The following TRIM9 variants were observed in gnomAD, a reference collection of about 807,000 sequenced individuals.
TRIM9 encodes the protein tripartite motif containing 9, also known as E3 ubiquitin-protein ligase TRIM9.
In TRIM9, 26 loss-of-function variants were observed where a neutral mutation model predicts 78.3. The observed-to-expected ratio is 0.33, with a 90% CI of 0.24 to 0.46. The LOEUF is 0.46. Among genes scored for constraint, TRIM9 ranks in the 20% least tolerant of loss-of-function variants. TRIM9 has a pLI of 1.00. For missense variants in TRIM9, 787 were observed against 1,036.4 expected, an observed-to-expected ratio of 0.76 and a Z score of 3.30; for synonymous variants, 398 against 416.5, an observed-to-expected ratio of 0.96 and a Z score of 0.54.
chr14:51,033,493 A>G (rs567354121), intron 1 of TRIM9, among the ~76,000 whole-genome samples: 2 of 152,210 alleles, frequency 1.3e-5, no homozygotes, highest in Non-Finnish European at 2.9e-5. Flanking sequence ...GTCAATTACA[A>G]TTATTCAAAC....
At chr14:50,998,336 ACC>A in intron 6 of TRIM9, 148 bp from the exon 7 acceptor site, 1 of 704,014 alleles carries the variant, frequency 1.4e-6, no homozygotes, top group Non-Finnish European at 2.3e-6. Flanking sequence ...CATTTAATTT[ACC>A]TTTTTAGCCT....
chr14:51,022,381 T>C (rs889760296), intron 3 of TRIM9, among the ~76,000 whole-genome samples: 1 of 152,172 alleles, frequency 6.6e-6, no homozygotes, highest in Non-Finnish European at 1.5e-5. Flanking sequence ...TGATGCAGCA[T>C]GAAGGCCCCA....
At chr14:51,018,590 T>C (rs1008936889) in intron 3 of TRIM9, among the ~76,000 whole-genome samples, 6 of 152,150 alleles carry the variant, frequency 3.9e-5, no homozygotes, top group Non-Finnish European at 5.9e-5. Context: ...AGAATGATAA[T>C]TATTCTAACA....
At chr14:51,008,399 A>T (rs1312334351) in intron 5 of TRIM9, among the ~76,000 whole-genome samples, 1 of 152,248 alleles carries the variant, frequency 6.6e-6, no homozygotes, top group Non-Finnish European at 1.5e-5. Context: ...ATTTCAAAAG[A>T]AACAGTTAAA....
chr14:50,986,991 A>T lies in TRIM9; in HGVS notation c.1604-847T>A, dbSNP rs578120026. Among the ~76,000 whole-genome samples the T allele has an allele frequency of 3.3e-5, 5 of 152,340 alleles. No homozygotes were observed. The South Asian group carries it at 1.0e-3, about 32-fold the overall frequency. Reference sequence around the variant, plus strand: ...GAGTTAGTTTCTCTGAATTACTAAAATTGGTCCTTTCTATTTTGTCAAACA... The same window carrying T: ...GAGTTAGTTTCTCTGAATTACTAAATTTGGTCCTTTCTATTTTGTCAAACA... On this transcript the variant is annotated intron_variant, in intron 7 of 12. Coordinates refer to ENST00000684578, the MANE Select transcript of TRIM9 (RefSeq NM_001387360.1).
intron 7 of TRIM9, among the ~76,000 whole-genome samples, chr14:50,989,345 G>A (rs1441765767): frequency 6.6e-6 from 1 of 152,182 alleles, no homozygotes; most frequent in Admixed American, 6.5e-5. Context: ...CCCATGGGAT[G>A]CAGGAAGAAG....
At chr14:51,075,963 T>A (rs2062745127) in intron 1 of TRIM9, among the ~76,000 whole-genome samples, 1 of 152,114 alleles carries the variant, frequency 6.6e-6, no homozygotes, top group African/African-American at 2.4e-5. Flanking sequence ...TTATTTTAAT[T>A]TTTTTTTCAC....
chr14:51,055,861 C>T (rs1484873041), intron 1 of TRIM9, among the ~76,000 whole-genome samples: 3 of 152,150 alleles, frequency 2.0e-5, no homozygotes, highest in Non-Finnish European at 4.4e-5. Flanking sequence ...ATATAACTTG[C>T]ACAAATTTGA....
At chr14:51,077,582 T>C (rs2062917382) in intron 1 of TRIM9, among the ~76,000 whole-genome samples, 1 of 151,932 alleles carries the variant, frequency 6.6e-6, no homozygotes, top group African/African-American at 2.4e-5. Context: ...TTACTAGAGA[T>C]GGGGTTTCGC....
chr14:50,989,451 G>A (rs2053190110), intron 7 of TRIM9, among the ~76,000 whole-genome samples: 1 of 152,130 alleles, frequency 6.6e-6, no homozygotes, highest in African/African-American at 2.4e-5. Flanking sequence ...AGGACAAAGA[G>A]GAATGAGGTT....
rs1315708429 is a variant in TRIM9, at chr14:50,986,005, T to G, written c.1743A>C (p.Ser581=). Residue 581 remains serine, a synonymous_variant, in exon 8 of 13, where the codon TCA becomes TCC. Coordinates refer to ENST00000684578, the MANE Select transcript of TRIM9 (RefSeq NM_001387360.1). The part of the protein sequence containing the change: ...PGRSYFDFRS[S]PHQLSLHSSL... ...AGGAATGCAAGCTCAGCTGGTGGGG[T>G]GAGGATCGGAAATCAAAGTAGGATC... The G allele has an allele frequency of 6.5e-7, 1 of 1,547,982 alleles. No individual in the cohort carries two copies. The highest frequency in any genetic ancestry group is 8.7e-7 in the Non-Finnish European group (1 of 1,145,680).
At chr14:50,996,722 T>A in intron 7 of TRIM9, 6 of 985,428 alleles carry the variant, frequency 6.1e-6, no homozygotes, top group Non-Finnish European at 7.2e-6. Context: ...CTCAAACTGA[T>A]AGGTCATCCC....
intron 1 of TRIM9, among the ~76,000 whole-genome samples, chr14:51,058,540 T>C (rs1236827946): frequency 6.6e-6 from 1 of 152,084 alleles, no homozygotes; most frequent in South Asian, 2.1e-4. Flanking sequence ...GGGACATGCA[T>C]CCTCCAGGCC....
intron 1 of TRIM9, among the ~76,000 whole-genome samples, chr14:51,039,022 G>A (rs756561904): frequency 6.6e-6 from 1 of 152,142 alleles, no homozygotes; most frequent in Non-Finnish European, 1.5e-5. Flanking sequence ...TCAAAGGCAC[G>A]GGGTCATTAG....
Position 50,977,054 on chromosome 14 carries a change from G to T in TRIM9, c.*237C>A. 1 of 360,532 alleles carries T rather than the reference G, an allele frequency of 2.8e-6. No individual in the cohort carries two copies. 22.3% of individuals were successfully genotyped at this position (360,532 alleles called of 1,614,324 possible). On this transcript the variant is annotated 3_prime_UTR_variant, in exon 13 of 13. Coordinates refer to ENST00000684578, the MANE Select transcript of TRIM9 (RefSeq NM_001387360.1). ...ACCAAGTGACTTGGTGGGCTGTCTA[G>T]GTCCTTTGTTGGTTAGAATTGTTGG... is the stretch of plus-strand genomic sequence containing the variant.
chr14:50,978,059 G>A (rs1422380433), intron 12 of TRIM9, among the ~76,000 whole-genome samples: 1 of 152,020 alleles, frequency 6.6e-6, no homozygotes, highest in Non-Finnish European at 1.5e-5. Flanking sequence ...CTCGCTTCTA[G>A]GGTAATTTAT....
intron 5 of TRIM9, among the ~76,000 whole-genome samples, chr14:51,001,181 C>T (rs2054945833): frequency 6.6e-6 from 1 of 152,022 alleles, no homozygotes. Flanking sequence ...CCAGTCCAAC[C>T]CACTAAAGCA....
At chr14:51,015,505 C>CTTTTCT (rs1555338411) in intron 3 of TRIM9, among the ~76,000 whole-genome samples, 1 of 61,324 alleles carries the variant, frequency 1.6e-5, no homozygotes, top group African/African-American at 6.8e-5. Flanking sequence ...CTTTACTTTT[C>CTTTTCT]TTTTTTTTTT....
intron 1 of TRIM9, among the ~76,000 whole-genome samples, chr14:51,066,857 G>C (rs190847709): frequency 2.6e-4 from 39 of 152,306 alleles, no homozygotes; most frequent in East Asian, 1.9e-3. Context: ...CTGCTGTTGT[G>C]ATTGGCTGAG....
Sources: gnomAD v4.1 joint callset for allele counts (sites outside exome capture counted in the v4.1 genomes callset) on GRCh38, gnomAD v4.1.1 for gene constraint, MANE v1.5 for transcripts, NCBI Gene and HGNC (gene_info 2026-07-23, HGNC 2026-07-21) for gene names.